The following NOL8 variants were observed in gnomAD, a reference collection of about 807,000 sequenced individuals.
The protein encoded by NOL8 is nucleolar protein 8.
In NOL8, 93 loss-of-function variants were observed where a neutral mutation model predicts 116.1. The ratio of observed to expected loss-of-function variants is 0.80; its 90% CI spans 0.68 to 0.95. The LOEUF is 0.95. Among genes scored for constraint, NOL8 ranks in the 40% least tolerant of loss-of-function variants. The pLI is 0.00. For synonymous variants in NOL8, 419 were observed against 469.0 expected (o/e 0.89, Z 1.38); for missense variants, 1,291 against 1,382.8 (o/e 0.93, Z 1.05).
In NOL8 at chr9:92,301,599, C is replaced by T. The variant is rs370987261; in HGVS notation, c.3127G>A (p.Gly1043Arg). Residue 1043 changes from glycine (G) to arginine (R), a missense_variant, in exon 13 of 17, where the codon GGG becomes AGG. By Grantham distance (125) the Gly-to-Arg change is moderately radical. Transcript: ENST00000442668. Reference protein sequence around the residue: ...ALTSDAEQPSGFTFSFFDSDT... With the variant: ...ALTSDAEQPSRFTFSFFDSDT... ...GAATCAAAAAAAGAGAACGTGAACC[C>T]GCTGGGCTGCTCAGCGTCACTGGTC... The T allele has an allele frequency of 3.3e-4, 526 of 1,607,036 alleles. 3 individuals are homozygous for T. The East Asian group carries it at 0.011, about 33-fold the overall frequency.
chr9:92,300,814 C>CA (rs35912497), intron 13 of NOL8: 87,732 of 847,200 alleles, frequency 0.1, 3 homozygotes, highest in South Asian at 0.11. Flanking sequence ...ACTCTGTCTC[C>CA]AAAAAAAAAA....
rs973212142 is a variant in NOL8 at position 92,314,730 on chromosome 9, T to C, written c.1895A>G (p.His632Arg). ...GTTTGGGCCATTCGCCTTCTTTGCA[T>C]GTTGGCATGGAGTCACTTCACCTAA... ...GSLGEVTPCQ[H>R]AKKANGPNYI... Residue 632 changes from histidine (H) to arginine (R), a missense_variant, in exon 7 of 17, where the codon CAT becomes CGT. Physicochemically the swap from His to Arg is conservative, Grantham distance 29. Transcript: ENST00000442668. 1 of 1,613,918 alleles carries C rather than the reference T, an allele frequency of 6.2e-7. No homozygotes were observed. The highest frequency in any genetic ancestry group is 8.5e-7 in the Non-Finnish European group (1 of 1,179,872).
chr9:92,323,358 A>G (rs764998858), intron 3 of NOL8, 83 bp downstream of exon 3: 2 of 1,542,920 alleles, frequency 1.3e-6, no homozygotes, highest in African/African-American at 1.4e-5. Context: ...ATGGCTGTGG[A>G]GGTTTAGATT....
At chr9:92,300,935 G>T in intron 13 of NOL8, 1 of 887,596 alleles carries the variant, frequency 1.1e-6, no homozygotes, top group Non-Finnish European at 1.4e-6. Flanking sequence ...GGTATTACCT[G>T]CTTTTACAGT....
At chr9:92,305,696 G>A (rs908873762) in intron 12 of NOL8, 57 bp downstream of exon 12, 1 of 1,240,562 alleles carries the variant, frequency 8.1e-7, no homozygotes, top group African/African-American at 1.5e-5. Context: ...ATTTTTAATT[G>A]TCTGAAATGA....
intron 7 of NOL8, among the ~76,000 whole-genome samples, chr9:92,312,827 C>CAAAAAAA (rs35089570): frequency 1.3e-3 from 72 of 55,398 alleles, no homozygotes; most frequent in Non-Finnish European, 1.5e-3. Flanking sequence ...AACTCCATCT[C>CAAAAAAA]AAAAAAAAAA....
In NOL8 at chr9:92,299,933, C is replaced by G. The variant is rs1837586411; in HGVS notation, c.3259G>C (p.Glu1087Gln). ...TGATCTGTTTCTTCAGTAACATCTT[C>G]CTCTTCTGAACTGCTGTCTTGTAAA... ...PRLQDSSSEE[E>Q]DVTEETDHRN... is the part of the protein sequence containing the mutation. The change falls in exon 14 of 17, where the codon GAA becomes CAA. Residue 1087 changes from glutamate to glutamine, a missense_variant. Transcript: ENST00000442668. 6.2e-7 allele frequency: 1 copy of G among 1,613,394 alleles called. No homozygotes were observed.
At position 92,318,623 on chromosome 9, in the gene NOL8, G is replaced by A. The variant is rs186223201; in HGVS notation, c.481C>T (p.Arg161Cys). The stretch of plus-strand genomic sequence containing the variant: ...GTTGAGAGGCCAAAGGATATTTTAC[G>A]TTTATGTTGATTTTTAAGGTGAAGA... ...PVLHLKNQHK[R>C]KIIKYDPSKY... Residue 161 changes from arginine (R) to cysteine (C), a missense_variant, in exon 6 of 17, where the codon CGT (arginine) becomes TGT (cysteine). Coordinates refer to ENST00000442668, the MANE Select transcript of NOL8 (RefSeq NM_017948.6). The A allele has an allele frequency of 1.1e-4, 170 of 1,598,308 alleles. No homozygotes were observed. The highest frequency in any genetic ancestry group is 1.3e-4 in the Non-Finnish European group (151 of 1,172,822).
intron 13 of NOL8, 103 bp downstream of exon 13, chr9:92,301,448 G>A: frequency 1.2e-6 from 1 of 840,990 alleles, no homozygotes; most frequent in Non-Finnish European, 1.8e-6. Context: ...AGAAGAAAGA[G>A]TCCTTTCTTC....
intron 11 of NOL8, among the ~76,000 whole-genome samples, chr9:92,306,392 A>G (rs540600902): frequency 1.3e-5 from 2 of 152,312 alleles, no homozygotes; most frequent in South Asian, 4.1e-4. Context: ...ATAAAATGAT[A>G]TACTATCTGG....
At chr9:92,318,820 TAA>T (rs2130728757) in intron 5 of NOL8, 134 bp from the exon 6 acceptor site, 1 of 596,910 alleles carries the variant, frequency 1.7e-6, no homozygotes, top group Admixed American at 3.7e-5. Flanking sequence ...GACAATGAAA[TAA>T]GAGTTACCAA....
intron 12 of NOL8, among the ~76,000 whole-genome samples, chr9:92,304,819 C>CA (rs373751815): frequency 1.2e-3 from 186 of 152,212 alleles, no homozygotes; most frequent in African/African-American, 4.2e-3. Context: ...TAACTAAACT[C>CA]AGACATTGTT....
At position 92,315,500 on chromosome 9, in the gene NOL8, C is replaced by T. The variant is rs765227413; in HGVS notation, c.1125G>A (p.Glu375=). The T allele has an allele frequency of 1.2e-6, 2 of 1,609,432 alleles. No homozygotes were observed. Among genetic ancestry groups the T allele is most frequent in the African/African-American group, 2.7e-5 (2 of 74,876 alleles). Residue 375 remains glutamate (E), a synonymous_variant, in exon 7 of 17, where the codon GAG becomes GAA. Coordinates refer to ENST00000442668, the MANE Select transcript of NOL8 (RefSeq NM_017948.6). ...TTTCATCTGTATCTCCTGAGTCATA[C>T]TCACGATCATTTCTCATAATATCAT... ...SDDDIMRNDR[E]YDSGDTDEII... is the part of the protein sequence containing the mutation.
intron 10 of NOL8, among the ~76,000 whole-genome samples, chr9:92,308,523 G>GT (rs1272844800): frequency 6.6e-6 from 1 of 152,184 alleles, no homozygotes; most frequent in Non-Finnish European, 1.5e-5. Flanking sequence ...TCCAACAGGC[G>GT]TTTAAGACCA....
chr9:92,318,062 T>TA (rs926081765), intron 6 of NOL8, among the ~76,000 whole-genome samples: 42 of 133,920 alleles, frequency 3.1e-4, no homozygotes, highest in East Asian at 6.4e-4. Context: ...AAAAAAAGAT[T>TA]AAAAAAAAAG....
At chr9:92,300,920 G>T in intron 13 of NOL8, 1 of 957,440 alleles carries the variant, frequency 1.0e-6, no homozygotes, top group Non-Finnish European at 1.3e-6. Flanking sequence ...GTATTCTTCT[G>T]TATAGGTATT....
chr9:92,305,049 C>T (rs909482599), intron 12 of NOL8, among the ~76,000 whole-genome samples: 1 of 151,694 alleles, frequency 6.6e-6, no homozygotes, highest in Non-Finnish European at 1.5e-5. Context: ...TGAATGGTTG[C>T]CCCCCAAAAG....
In NOL8 at chr9:92,307,041, T is replaced by C; in HGVS notation, c.2687-17A>G. 1 of 1,602,052 alleles carries C rather than the reference T, an allele frequency of 6.2e-7. No individual in the cohort carries two copies. Among genetic ancestry groups the C allele is most frequent in the South Asian group, 1.1e-5 (1 of 88,620 alleles). On this transcript the variant is annotated splice_polypyrimidine_tract_variant and intron_variant, in intron 10 of 16. Coordinates refer to ENST00000442668, the MANE Select transcript of NOL8 (RefSeq NM_017948.6). Reference sequence around the variant, plus strand: ...CATTTACCTCTTTGAGGAAAAGGGATAATTAATACTCTCTTGGAAAACACA... The same window carrying C: ...CATTTACCTCTTTGAGGAAAAGGGACAATTAATACTCTCTTGGAAAACACA...
At chr9:92,317,317 T>C (rs1375067663) in intron 6 of NOL8, among the ~76,000 whole-genome samples, 1 of 152,230 alleles carries the variant, frequency 6.6e-6, no homozygotes, top group Non-Finnish European at 1.5e-5. Flanking sequence ...GTGCCAGTTA[T>C]ATGTGAGGTG....
Sources: allele counts gnomAD v4.1 joint callset (sites outside exome capture counted in the v4.1 genomes callset), GRCh38; gene constraint gnomAD v4.1.1; transcripts MANE v1.5; gene names NCBI Gene and HGNC (gene_info 2026-07-23, HGNC 2026-07-21).